The following NCAM1 variants were observed in gnomAD, a reference collection of about 807,000 sequenced individuals.
NCAM1 encodes the protein antigen recognized by monoclonal antibody 5.1H11.
In NCAM1, 14 loss-of-function variants were observed where a neutral mutation model predicts 109.8. The observed-to-expected ratio is 0.13, with a 90% CI of 0.08 to 0.20. The LOEUF is 0.20. Ranked by LOEUF, NCAM1 falls within the 10% of genes least tolerant of loss-of-function variation. The pLI, the probability that NCAM1 is intolerant of heterozygous loss-of-function variation, is 1.00. For synonymous variants in NCAM1, 418 were observed against 442.9 expected (o/e 0.94, Z 0.70); for missense variants, 774 against 1,109.9 (o/e 0.70, Z 4.30).
At chr11:113,088,960 C>T (rs1163494012) in intron 1 of NCAM1, among the ~76,000 whole-genome samples, 1 of 152,150 alleles carries the variant, frequency 6.6e-6, no homozygotes, top group Non-Finnish European at 1.5e-5. Flanking sequence ...ATTAGCAAAG[C>T]AGTTGAGAAA....
At chr11:113,198,562 G>A (rs1276156529) in intron 1 of NCAM1, among the ~76,000 whole-genome samples, 4 of 151,914 alleles carry the variant, frequency 2.6e-5, no homozygotes, top group African/African-American at 7.3e-5. Flanking sequence ...TAGTAGAGAC[G>A]GGTCTCCTGA....
intron 1 of NCAM1, among the ~76,000 whole-genome samples, chr11:113,158,523 T>TGACATGCTCCC (rs1942492642): frequency 6.6e-6 from 1 of 152,212 alleles, no homozygotes; most frequent in South Asian, 2.1e-4. Flanking sequence ...TATGTTCTCA[T>TGACATGCTCCC]GACATGCTCC....
chr11:113,205,891 C>T (rs1025519582), intron 4 of NCAM1, among the ~76,000 whole-genome samples, 152 bp from the exon 5 acceptor site: 61 of 152,300 alleles, frequency 4.0e-4, no homozygotes, highest in African/African-American at 1.4e-3. Context: ...TTACTCTTGG[C>T]TGTATTTCAA....
chr11:113,078,093 C>T (rs1938613373), intron 1 of NCAM1, among the ~76,000 whole-genome samples: 1 of 152,180 alleles, frequency 6.6e-6, no homozygotes, highest in Non-Finnish European at 1.5e-5. Context: ...AATTTATTCT[C>T]TCCCAGTTTT....
chr11:113,239,225 T>C (rs1945257137), intron 14 of NCAM1, among the ~76,000 whole-genome samples: 1 of 152,196 alleles, frequency 6.6e-6, no homozygotes, highest in African/African-American at 2.4e-5. Flanking sequence ...AATAAAACTC[T>C]AACCTGTGAG....
At position 113,058,783 on chromosome 11, in the gene NCAM1, C is replaced by T. The variant is rs141377194; in HGVS notation, c.52+97119C>T. The stretch of plus-strand genomic sequence containing the variant: ...GCTTAACTGCAACTGCTTTCATAGC[C>T]GGCTCAGCCTGGGCATGCACCATGG... On this transcript the variant is annotated intron_variant, in intron 1 of 19. Coordinates refer to ENST00000316851, the MANE Select transcript of NCAM1 (RefSeq NM_181351.5). Among the ~76,000 whole-genome samples the T allele has an allele frequency of 2.8e-3, 424 of 152,292 alleles. 1 individual carries two copies. Among genetic ancestry groups the T allele is most frequent in the African/African-American group, 9.7e-3 (402 of 41,570 alleles).
Position 112,962,974 on chromosome 11 carries a change from G to A in NCAM1, c.52+1310G>A, listed in dbSNP as rs532116979. 3.3e-5 allele frequency among the ~76,000 whole-genome samples: 5 copies of A among 151,950 alleles called. No homozygotes were observed. In the South Asian group the frequency reaches 8.3e-4, roughly 25 times the overall value. ...TACCTGCCCTGGACGGCCGACCCCCGGTTGGGGAGCGCACGGGGCGGGCCA... is the reference window on the plus strand; with the variant it reads ...TACCTGCCCTGGACGGCCGACCCCCAGTTGGGGAGCGCACGGGGCGGGCCA... On this transcript the variant is annotated intron_variant, in intron 1 of 19. Transcript: ENST00000316851. This position sits in a 1 kb window ranked among gnomAD's most constrained non-coding sequence, Gnocchi z 5.6.
At chr11:113,250,552 G>C (rs1479487700) in intron 15 of NCAM1, among the ~76,000 whole-genome samples, 2 of 152,098 alleles carry the variant, frequency 1.3e-5, no homozygotes, top group African/African-American at 4.8e-5. Context: ...AGTGTAAAAA[G>C]GTATATATAA....
chr11:113,101,429 A>G (rs1480016132), intron 1 of NCAM1, among the ~76,000 whole-genome samples: 5 of 152,090 alleles, frequency 3.3e-5, no homozygotes, highest in Non-Finnish European at 5.9e-5. Context: ...TTCATACTCT[A>G]TTTCTTTCCA....
intron 1 of NCAM1, among the ~76,000 whole-genome samples, chr11:113,067,186 G>A (rs1555084391): frequency 6.6e-6 from 1 of 152,102 alleles, no homozygotes; most frequent in African/African-American, 2.4e-5. Context: ...GGTCAATAAA[G>A]GGAATTTCAA....
At chr11:113,054,648 C>T (rs1344979346) in intron 1 of NCAM1, among the ~76,000 whole-genome samples, 2 of 152,194 alleles carry the variant, frequency 1.3e-5, no homozygotes, top group Non-Finnish European at 2.9e-5. Context: ...ACTTTAACCT[C>T]CTCGGCTTTT....
At chr11:113,096,615 A>T (rs1373142017) in intron 1 of NCAM1, among the ~76,000 whole-genome samples, 1 of 152,078 alleles carries the variant, frequency 6.6e-6, no homozygotes, top group Non-Finnish European at 1.5e-5. Context: ...AAATGTGGCT[A>T]TTGGACAAGA....
At chr11:113,203,787 G>T (rs1944147789) in intron 2 of NCAM1, among the ~76,000 whole-genome samples, 1 of 152,200 alleles carries the variant, frequency 6.6e-6, no homozygotes, top group Non-Finnish European at 1.5e-5. Context: ...ATAAAAAGTG[G>T]TTGGAATCTG....
At chr11:113,040,663 AAT>A (rs1354721770) in intron 1 of NCAM1, among the ~76,000 whole-genome samples, 56 of 152,346 alleles carry the variant, frequency 3.7e-4, no homozygotes, top group African/African-American at 1.2e-3. Context: ...TTGTATTTTT[AAT>A]AATTGTGTAT....
intron 1 of NCAM1, among the ~76,000 whole-genome samples, chr11:112,970,602 T>A (rs1490876260): frequency 6.6e-6 from 1 of 152,222 alleles, no homozygotes; most frequent in African/African-American, 2.4e-5. Context: ...ATGTAACCTC[T>A]TTGAACTGTA....
chr11:113,072,775 G>T (rs1351323074), intron 1 of NCAM1, among the ~76,000 whole-genome samples: 2 of 146,824 alleles, frequency 1.4e-5, no homozygotes, highest in Non-Finnish European at 1.5e-5. Flanking sequence ...TTCTTACATA[G>T]ATTTTAGACC....
intron 17 of NCAM1, among the ~76,000 whole-genome samples, chr11:113,261,933 T>G (rs1217903866): frequency 1.3e-5 from 2 of 152,154 alleles, no homozygotes; most frequent in Non-Finnish European, 2.9e-5. Flanking sequence ...CCTCCAGAGT[T>G]GTGCCTGCTG....
At chr11:113,200,767 C>G (rs901147905) in intron 1 of NCAM1, among the ~76,000 whole-genome samples, 2 of 152,114 alleles carry the variant, frequency 1.3e-5, no homozygotes, top group Non-Finnish European at 2.9e-5. Flanking sequence ...GCACTGCGGG[C>G]AGTGACCCCG....
At chr11:113,004,501 A>ATT (rs1555073000) in intron 1 of NCAM1, among the ~76,000 whole-genome samples, 2 of 147,054 alleles carry the variant, frequency 1.4e-5, no homozygotes, top group African/African-American at 5.0e-5. Context: ...CAAAAAAAAA[A>ATT]TTTTTTTTTT....
Sources: gnomAD v4.1 joint callset for allele counts (sites outside exome capture counted in the v4.1 genomes callset) on GRCh38, gnomAD v4.1.1 for gene constraint, Gnocchi (gnomAD v3.1) non-coding constraint, MANE v1.5 for transcripts, NCBI Gene and HGNC (gene_info 2026-07-23, HGNC 2026-07-21) for gene names.